The following CRTAC1 variants were observed in gnomAD, a reference collection of about 807,000 sequenced individuals.
CRTAC1 encodes cartilage acidic protein 1.
In CRTAC1, 37 loss-of-function variants were observed where a neutral mutation model predicts 67.8. The observed-to-expected ratio is 0.55, with a 90% CI of 0.42 to 0.72. CRTAC1 has a LOEUF of 0.72. Ranked by LOEUF, CRTAC1 falls within the 30% of genes least tolerant of loss-of-function variation. The probability of loss-of-function intolerance (pLI) is 0.00; values close to 1 mark genes in which losing one functional copy is unlikely to be tolerated. For missense variants in CRTAC1, 780 were observed against 931.6 expected (o/e 0.84, Z 2.12); for synonymous variants, 348 against 371.0 (o/e 0.94, Z 0.71).
At chr10:97,891,578 G>A (rs560931567) in intron 11 of CRTAC1, among the ~76,000 whole-genome samples, 14 of 152,176 alleles carry the variant, frequency 9.2e-5, no homozygotes, top group African/African-American at 1.9e-4. Context: ...GCCTTCCTCC[G>A]CCCACTGCCA....
At chr10:97,901,388 G>T in intron 8 of CRTAC1, 115 bp downstream of exon 8, 1 of 1,289,412 alleles carries the variant, frequency 7.8e-7, no homozygotes, top group Non-Finnish European at 1.1e-6. Flanking sequence ...GTTGACCTTG[G>T]CCTGACCCCC....
At chr10:97,928,776 G>A (rs1303648925) in intron 3 of CRTAC1, among the ~76,000 whole-genome samples, 1 of 152,082 alleles carries the variant, frequency 6.6e-6, no homozygotes, top group Non-Finnish European at 1.5e-5. Flanking sequence ...GCGAGAAAAA[G>A]GCACAGAGGG....
chr10:98,002,427 T>A (rs1379442163), intron 2 of CRTAC1, among the ~76,000 whole-genome samples: 1 of 152,174 alleles, frequency 6.6e-6, no homozygotes, highest in Non-Finnish European at 1.5e-5. Context: ...GAGGCCTCTG[T>A]CCCCTTGGTA....
chr10:97,907,325 G>A (rs1440855590), intron 6 of CRTAC1, among the ~76,000 whole-genome samples: 2 of 151,800 alleles, frequency 1.3e-5, no homozygotes, highest in African/African-American at 2.4e-5. Context: ...TGAGGTGAAC[G>A]ATGAAGGCTA....
At chr10:97,891,688 T>C (rs1329177788) in intron 11 of CRTAC1, among the ~76,000 whole-genome samples, 4 of 152,112 alleles carry the variant, frequency 2.6e-5, no homozygotes. Context: ...TCGCCCCCTG[T>C]TCTCGCACCC....
At chr10:97,931,750 G>C (rs1203755677) in intron 3 of CRTAC1, among the ~76,000 whole-genome samples, 1 of 152,206 alleles carries the variant, frequency 6.6e-6, no homozygotes, top group African/African-American at 2.4e-5. Context: ...CCATGCTCCT[G>C]TTTGTTACCC....
chr10:97,879,570 G>C, intron 14 of CRTAC1: 3 of 1,335,148 alleles, frequency 2.2e-6, no homozygotes, highest in South Asian at 1.6e-5. Flanking sequence ...CATTCAGAGG[G>C]AGCACACAGC....
chr10:98,003,675 C>T (rs536738195), intron 2 of CRTAC1, among the ~76,000 whole-genome samples: 1 of 152,336 alleles, frequency 6.6e-6, no homozygotes, highest in African/African-American at 2.4e-5. Context: ...GCCCACTTTG[C>T]CAGGTAAGAT....
chr10:98,027,879 T>G (rs1487076865), intron 1 of CRTAC1, among the ~76,000 whole-genome samples: 1 of 152,220 alleles, frequency 6.6e-6, no homozygotes, highest in Non-Finnish European at 1.5e-5. Context: ...CAGCTCTGAA[T>G]CGAGCAGTGG....
intron 2 of CRTAC1, among the ~76,000 whole-genome samples, chr10:97,991,833 A>G (rs763692625): frequency 2.0e-5 from 3 of 152,242 alleles, no homozygotes; most frequent in Non-Finnish European, 4.4e-5. Flanking sequence ...AGGTGTGTTT[A>G]AAAGATTGAT....
chr10:97,895,469 G>C lies in CRTAC1; in HGVS notation c.1318-56C>G, dbSNP rs1304525096. 2 of 1,496,168 alleles carry C rather than the reference G, an allele frequency of 1.3e-6. No individual in the cohort carries two copies. Among genetic ancestry groups the C allele is most frequent in the Non-Finnish European group, 1.8e-6 (2 of 1,112,178 alleles). 92.7% of individuals were successfully genotyped at this position (1,496,168 alleles called of 1,614,324 possible). A position where few individuals can be genotyped will look rare whatever the true frequency, so the allele number is the denominator to read the frequency against. On this transcript the variant is annotated intron_variant, in intron 10 of 14. Coordinates refer to ENST00000370597, the MANE Select transcript of CRTAC1 (RefSeq NM_018058.7). This position sits in a 1 kb window ranked among gnomAD's most constrained non-coding sequence, Gnocchi z 4.2. The stretch of plus-strand genomic sequence containing the variant: ...TGGGCATCAGCATGGTGGGTGGGAA[G>C]AGCAGGGAGCCAGGGAGGACGGGAG...
rs551018933 is a variant in CRTAC1 at position 97,895,379 on chromosome 10, C to T, written c.1352G>A (p.Arg451His). Residue 451 changes from arginine to histidine, a missense_variant, in exon 11 of 15, where the codon CGC becomes CAC. Coordinates refer to ENST00000370597, the MANE Select transcript of CRTAC1 (RefSeq NM_018058.7). This position sits in a 1 kb window ranked among gnomAD's most constrained non-coding sequence, Gnocchi z 4.2. ...CCTGGCAAAGGCCCCAAACCGGGTG[C>T]GTGGCACCACTCGCAGCCAGTTGTT... The part of the protein sequence containing the change: ...FNNNWLRVVP[R>H]TRFGAFARGA... The T allele has an allele frequency of 6.8e-6, 11 of 1,611,566 alleles. No homozygotes were observed. Among genetic ancestry groups the T allele is most frequent in the Middle Eastern group, 1.7e-4 (1 of 6,034 alleles).
chr10:97,978,717 A>C lies in CRTAC1; in HGVS notation c.224+32421T>G, dbSNP rs142974375. ...CTCAGCTCTAATGTCCTCCCTTCAGAAGGGCCTTTCTGCTCCTCCCAGTCC... is the reference window on the plus strand; with the variant it reads ...CTCAGCTCTAATGTCCTCCCTTCAGCAGGGCCTTTCTGCTCCTCCCAGTCC... On this transcript the variant is annotated intron_variant, in intron 2 of 14. Transcript: ENST00000370597. Among the ~76,000 whole-genome samples the C allele has an allele frequency of 4.6e-3, 707 of 152,216 alleles. 2 individuals carry two copies. Among genetic ancestry groups the C allele is most frequent in the Middle Eastern group, 0.01 (3 of 292 alleles).
chr10:97,932,679 C>T lies in CRTAC1; in HGVS notation c.421+3491G>A, dbSNP rs2051020150. ...AGTACGAAGGCCTCAGGTGGGAAGG[C>T]AGTGAGTGAGAGGAAGGATGGAGGA... On this transcript the variant is annotated intron_variant, in intron 3 of 14. Coordinates refer to ENST00000370597, the MANE Select transcript of CRTAC1 (RefSeq NM_018058.7). Among the ~76,000 whole-genome samples the T allele has an allele frequency of 1.3e-5, 2 of 151,968 alleles. 1 individual carries two copies. The highest frequency in any genetic ancestry group is 2.9e-5 in the Non-Finnish European group (2 of 67,986).
rs1029322386 is a variant in CRTAC1, at chr10:97,884,370, G to A, written c.1487-19C>T. The stretch of plus-strand genomic sequence containing the variant: ...TCCTTCCCTGAGGGGCAGAAGGAGA[G>A]AGCATCAGCAGCAGAGGAGAGCAGG... On this transcript the variant is annotated intron_variant, in intron 11 of 14. Coordinates refer to ENST00000370597, the MANE Select transcript of CRTAC1 (RefSeq NM_018058.7). The A allele has an allele frequency of 7.1e-6, 11 of 1,549,964 alleles. No individual in the cohort carries two copies. In the East Asian group the frequency reaches 2.7e-4, roughly 38 times the overall value.
chr10:97,960,051 A>G (rs545453812), intron 2 of CRTAC1, among the ~76,000 whole-genome samples: 1 of 152,250 alleles, frequency 6.6e-6, no homozygotes, highest in Admixed American at 6.5e-5. Context: ...AGGTGTTCAG[A>G]ATGAACCACA....
At chr10:97,997,904 C>T (rs1166507820) in intron 2 of CRTAC1, among the ~76,000 whole-genome samples, 1 of 152,108 alleles carries the variant, frequency 6.6e-6, no homozygotes, top group Non-Finnish European at 1.5e-5. Flanking sequence ...AACTTGGAGA[C>T]TAGAATGAGA....
At chr10:97,930,851 GAA>G (rs2050993045) in intron 3 of CRTAC1, among the ~76,000 whole-genome samples, 1 of 150,812 alleles carries the variant, frequency 6.6e-6, no homozygotes, top group Admixed American at 6.6e-5. Flanking sequence ...GCCCAAAAAA[GAA>G]AAGAGTGATA....
At chr10:97,910,531 T>C (rs1451834106) in intron 5 of CRTAC1, among the ~76,000 whole-genome samples, 2 of 152,192 alleles carry the variant, frequency 1.3e-5, no homozygotes, top group African/African-American at 4.8e-5. Flanking sequence ...AGAAGAGTTA[T>C]CAGAGCACTC....
Sources: gnomAD v4.1 joint callset for allele counts (sites outside exome capture counted in the v4.1 genomes callset) on GRCh38, gnomAD v4.1.1 for gene constraint, Gnocchi (gnomAD v3.1) non-coding constraint, MANE v1.5 for transcripts, NCBI Gene and HGNC (gene_info 2026-07-23, HGNC 2026-07-21) for gene names.